ERICH6: variants seen among roughly 807,000 people sequenced by gnomAD.
ERICH6 encodes the protein glutamate rich 6.
A neutral mutation model predicts 71.0 loss-of-function variants in ERICH6; 71 were observed. The observed-to-expected ratio is 1.00, with a 90% CI of 0.83 to 1.22. ERICH6 has a LOEUF of 1.22. Ranked by LOEUF, ERICH6 falls within the 50% of genes most tolerant of loss-of-function variation. The pLI is 0.00. For missense variants in ERICH6, 808 were observed against 797.2 expected, an observed-to-expected ratio of 1.01 and a Z score of -0.16; for synonymous variants, 262 against 278.4, an observed-to-expected ratio of 0.94 and a Z score of 0.59.
rs73004842 is a variant in ERICH6 at position 150,684,461 on chromosome 3, A to T, written c.783+1281T>A. ...TCATCTCTACATGTGCATCCATGAC[A>T]TGTTGCCTTGCATGATTCGTGCCCC... On this transcript the variant is annotated intron_variant, in intron 6 of 13. Transcript: ENST00000295910. Among the ~76,000 whole-genome samples, 1,461 of 152,284 alleles carry T rather than the reference A, an allele frequency of 9.6e-3. 22 individuals carry two copies. Among genetic ancestry groups the T allele is most frequent in the African/African-American group, 0.033 (1,362 of 41,544 alleles).
In ERICH6 at chr3:150,686,100, A is replaced by G; in HGVS notation, c.611-79T>C. On this transcript the variant is annotated intron_variant, in intron 4 of 13. Transcript: ENST00000295910. ...TTCCACTTCTGTAATTTGGAGATTC[A>G]CACCCACCATCATCCTCCTTGCCCA... 3.1e-6 allele frequency: 4 copies of G among 1,299,726 alleles called. No individual in the cohort carries two copies. In the South Asian group the frequency reaches 4.8e-5, roughly 16 times the overall value. 80.5% of individuals were successfully genotyped at this position (1,299,726 alleles called of 1,614,324 possible). A position where few individuals can be genotyped will look rare whatever the true frequency, so the allele number is the denominator to read the frequency against.
intron 13 of ERICH6, among the ~76,000 whole-genome samples, chr3:150,665,732 C>G: frequency 6.8e-6 from 1 of 146,228 alleles, no homozygotes. Flanking sequence ...GACGGTGAGG[C>G]AGGAAGAATT....
intron 9 of ERICH6, among the ~76,000 whole-genome samples, chr3:150,679,218 TTTTA>T (rs1711798256): frequency 6.6e-6 from 1 of 151,916 alleles, no homozygotes; most frequent in Non-Finnish European, 1.5e-5. Flanking sequence ...CAACTTTTAT[TTTTA>T]TTTATTTTTA....
At position 150,661,498 on chromosome 3, in the gene ERICH6, C is replaced by A. The variant is rs1490026940; in HGVS notation, c.1729-1343G>T. Reference sequence around the variant, plus strand: ...ATTTGACGCCACTAAAGAGAGGCACCAGATTTACCTATCAGAGAAACTTAT... The same window carrying A: ...ATTTGACGCCACTAAAGAGAGGCACAAGATTTACCTATCAGAGAAACTTAT... On this transcript the variant is annotated intron_variant, in intron 13 of 13. Transcript: ENST00000295910. 1.6e-4 allele frequency among the ~76,000 whole-genome samples: 25 copies of A among 152,056 alleles called. 1 individual carries two copies.
chr3:150,681,380 T>C (rs1401514422), intron 7 of ERICH6, among the ~76,000 whole-genome samples: 1 of 152,226 alleles, frequency 6.6e-6, no homozygotes, highest in Non-Finnish European at 1.5e-5. Flanking sequence ...GTACTTCACA[T>C]TTCTTTTTAT....
chr3:150,667,197 G>A (rs1360594355), intron 12 of ERICH6, among the ~76,000 whole-genome samples, 182 bp from the exon 13 acceptor site: 1 of 152,190 alleles, frequency 6.6e-6, no homozygotes, highest in Admixed American at 6.5e-5. Flanking sequence ...CGAATCTGAA[G>A]TACTGTATCC....
intron 4 of ERICH6, 129 bp downstream of exon 4, chr3:150,686,169 C>T (rs1209451602): frequency 9.4e-6 from 12 of 1,271,580 alleles, no homozygotes; most frequent in Non-Finnish European, 1.4e-5. Context: ...GACGTTTTCG[C>T]CACCTTCTCA....
rs747603833 is a variant in ERICH6, at chr3:150,703,723, TCCTCCTCCACCA to T, written c.164_175del (p.Val55_Glu58del). On this transcript the variant is annotated inframe_deletion, in exon 1 of 14. Transcript: ENST00000295910. ...CAACTCCTGCTCTTCCCCCACCAAC[TCCTCCTCCACCA>T]CCTCCTCCTCCTCCTCCTCCACCTC... 1.7e-5 allele frequency: 28 copies of T among 1,601,998 alleles called. No homozygotes were observed. The South Asian group carries it at 3.1e-4, about 18-fold the overall frequency.
intron 2 of ERICH6, among the ~76,000 whole-genome samples, chr3:150,699,966 AAAG>A (rs1712802096): frequency 6.6e-6 from 1 of 152,226 alleles, no homozygotes; most frequent in Non-Finnish European, 1.5e-5. Flanking sequence ...GTTCTGAAGA[AAAG>A]AAGAAAAGGG....
rs377724853 is a variant in ERICH6 at position 150,698,892 on chromosome 3, C to T, written c.462-10G>A. ...ATTGCGATGAATATTTCTGAAATTTCGACAAAAATGTTTTGAGTATACCTA... is the reference window on the plus strand; with the variant it reads ...ATTGCGATGAATATTTCTGAAATTTTGACAAAAATGTTTTGAGTATACCTA... On this transcript the variant is annotated splice_polypyrimidine_tract_variant and intron_variant, in intron 2 of 13. Transcript: ENST00000295910. The T allele has an allele frequency of 3.0e-4, 476 of 1,604,524 alleles. No homozygotes were observed. The highest frequency in any genetic ancestry group is 1.2e-3 in the Middle Eastern group (7 of 6,024).
chr3:150,661,509 A>G (rs1439314634), intron 13 of ERICH6, among the ~76,000 whole-genome samples: 1 of 152,230 alleles, frequency 6.6e-6, no homozygotes, highest in Non-Finnish European at 1.5e-5. Flanking sequence ...AGATTTACCT[A>G]TCAGAGAAAC....
intron 13 of ERICH6, among the ~76,000 whole-genome samples, chr3:150,665,684 GGGC>G (rs1727387968): frequency 6.6e-6 from 1 of 150,942 alleles, no homozygotes; most frequent in African/African-American, 2.4e-5. Context: ...AAAATTAGCC[GGGC>G]ATGGTGGTGG....
In ERICH6 at chr3:150,702,521, C is replaced by T. The variant is rs1382597903; in HGVS notation, c.404-343G>A. Among the ~76,000 whole-genome samples the T allele has an allele frequency of 2.0e-5, 3 of 152,170 alleles. No individual in the cohort carries two copies. In the East Asian group the frequency reaches 5.8e-4, roughly 29 times the overall value. ...TCGATCTCCCGACCTCGTGATCTGC[C>T]CGCCTAGGCCTCCCAAAGTGCTGGG... On this transcript the variant is annotated intron_variant, in intron 1 of 13. Transcript: ENST00000295910.
chr3:150,679,803 G>A (rs999367945), intron 9 of ERICH6, among the ~76,000 whole-genome samples: 3 of 151,952 alleles, frequency 2.0e-5, no homozygotes, highest in Admixed American at 1.3e-4. Context: ...GATTACAGGC[G>A]CCTGCCACCA....
chr3:150,672,986 C>G (rs1214433915), intron 11 of ERICH6, among the ~76,000 whole-genome samples: 1 of 152,078 alleles, frequency 6.6e-6, no homozygotes, highest in African/African-American at 2.4e-5. Flanking sequence ...AATTGTGCCA[C>G]TGCACTCTAA....
chr3:150,702,857 C>T (rs139832372), intron 1 of ERICH6, among the ~76,000 whole-genome samples: 1 of 145,214 alleles, frequency 6.9e-6, no homozygotes, highest in Admixed American at 7.0e-5. Context: ...AGTAGTACAG[C>T]ACCCTTAAGG....
intron 3 of ERICH6, among the ~76,000 whole-genome samples, chr3:150,690,300 T>A (rs1055054191): frequency 6.6e-6 from 1 of 152,222 alleles, no homozygotes; most frequent in Non-Finnish European, 1.5e-5. Context: ...GCTATTTGAT[T>A]TTCACCTGAG....
Position 150,702,109 on chromosome 3 carries a change from A to G in ERICH6, c.461+12T>C. 6.6e-7 allele frequency: 1 copy of G among 1,526,702 alleles called. No homozygotes were observed. Among genetic ancestry groups the G allele is most frequent in the Non-Finnish European group, 9.0e-7 (1 of 1,115,410 alleles). 94.6% of individuals were successfully genotyped at this position (1,526,702 alleles called of 1,614,324 possible). A position where few individuals can be genotyped will look rare whatever the true frequency, so the allele number is the denominator to read the frequency against. On this transcript the variant is annotated intron_variant, in intron 2 of 13. Coordinates refer to ENST00000295910, the MANE Select transcript of ERICH6 (RefSeq NM_152394.5). ...GGTTCAAAAAATGTGAAATTTGAAA[A>G]CATTTTCTTACCTATCTATACTCAT...
chr3:150,680,602 A>G (rs1387639398), intron 8 of ERICH6, 64 bp from the exon 9 acceptor site: 9 of 1,596,388 alleles, frequency 5.6e-6, no homozygotes, highest in South Asian at 1.1e-5. Context: ...ACAGTCTACT[A>G]CAAAATTCAG....
Sources: allele counts gnomAD v4.1 joint callset (sites outside exome capture counted in the v4.1 genomes callset), GRCh38; gene constraint gnomAD v4.1.1; transcripts MANE v1.5; gene names NCBI Gene and HGNC (gene_info 2026-07-23, HGNC 2026-07-21).